INMT: variants seen among roughly 807,000 people sequenced by gnomAD.
INMT encodes the protein indolethylamine N-methyltransferase, also known as amine N-methyltransferase.
In INMT, 11 loss-of-function variants were observed where a neutral mutation model predicts 11.5. That is an observed-to-expected ratio of 0.95 (90% CI 0.60 to 1.58). The LOEUF is 1.58. INMT is among the 40% of genes most tolerant of loss of function. INMT has a pLI of 0.00. For missense variants in INMT, 316 were observed against 336.1 expected, an observed-to-expected ratio of 0.94 and a Z score of 0.47; for synonymous variants, 155 against 142.9, an observed-to-expected ratio of 1.08 and a Z score of -0.60.
rs776872677 is a variant in INMT, at chr7:30,755,429, T to A, written c.370T>A (p.Trp124Arg). 6.3e-7 allele frequency: 1 copy of A among 1,594,138 alleles called. No individual in the cohort carries two copies. Among genetic ancestry groups the A allele is most frequent in the Non-Finnish European group, 8.5e-7 (1 of 1,177,282 alleles). The stretch of plus-strand genomic sequence containing the variant: ...CCCTCTCTCTCTCTGCAGCGGCCGA[T>A]GGGAGGAGAAGGAGGAGAAGCTGCG... ...ACELEGNSGR[W>R]EEKEEKLRAA... The change falls in exon 3 of 3, where the codon TGG (tryptophan) becomes AGG (arginine). Residue 124 changes from tryptophan to arginine, a missense_variant. Coordinates refer to ENST00000013222, the MANE Select transcript of INMT (RefSeq NM_006774.5).
In INMT at chr7:30,757,213, A is replaced by G. The variant is rs1409429781; in HGVS notation, c.*1362A>G. The G allele has an allele frequency of 1.3e-5, 2 of 159,804 alleles. No homozygotes were observed. The highest frequency in any genetic ancestry group is 6.5e-5 in the Admixed American group (1 of 15,360). The allele number at this position is 159,804 out of a possible 1,614,324, so 9.9% of individuals were successfully genotyped here. ...ACAGGCACACACCTCCACTTGTTATATAACCTGTTTGTGTAAGTTCATACT... is the reference window on the plus strand; with the variant it reads ...ACAGGCACACACCTCCACTTGTTATGTAACCTGTTTGTGTAAGTTCATACT... On this transcript the variant is annotated 3_prime_UTR_variant, in exon 3 of 3. Coordinates refer to ENST00000013222, the MANE Select transcript of INMT (RefSeq NM_006774.5).
chr7:30,756,237 ATTTT>A lies in INMT; in HGVS notation c.*399_*402del, dbSNP rs58953785. The A allele has an allele frequency of 2.2e-6, 2 of 910,778 alleles. No homozygotes were observed. The highest frequency in any genetic ancestry group is 1.3e-6 in the Non-Finnish European group (1 of 769,266). The allele number at this position is 910,778 out of a possible 1,614,324, so 56.4% of individuals were successfully genotyped here. A position where few individuals can be genotyped will look rare whatever the true frequency, so the allele number is the denominator to read the frequency against. The stretch of plus-strand genomic sequence containing the variant: ...CCTCTGGACAGTGGTATATTGGGGA[ATTTT>A]TTTTTTTTTTTTGAGACGGAGTCTG... On this transcript the variant is annotated 3_prime_UTR_variant, in exon 3 of 3. Coordinates refer to ENST00000013222, the MANE Select transcript of INMT (RefSeq NM_006774.5).
intron 1 of INMT, among the ~76,000 whole-genome samples, chr7:30,753,458 C>A (rs1786139235): frequency 2.0e-5 from 3 of 152,190 alleles, no homozygotes; most frequent in South Asian, 2.1e-4. Flanking sequence ...AGGTATTGGG[C>A]TAATTGTTTA....
In INMT at chr7:30,755,426, C is replaced by G. The variant is rs6966017; in HGVS notation, c.367C>G (p.Arg123Gly). The part of the protein sequence containing the change: ...FACELEGNSG[R>G]WEEKEEKLRA... The stretch of plus-strand genomic sequence containing the variant: ...ACTCCCTCTCTCTCTCTGCAGCGGC[C>G]GATGGGAGGAGAAGGAGGAGAAGCT... The change falls in exon 3 of 3, where the codon CGA becomes GGA. Residue 123 changes from arginine to glycine, a missense_variant. Transcript: ENST00000013222. 6.3e-7 allele frequency: 1 copy of G among 1,590,880 alleles called. No individual in the cohort carries two copies. The highest frequency in any genetic ancestry group is 2.2e-5 in the East Asian group (1 of 44,544).
intron 1 of INMT, among the ~76,000 whole-genome samples, chr7:30,753,249 A>G (rs565279428): frequency 1.7e-4 from 26 of 152,230 alleles, no homozygotes; most frequent in African/African-American, 6.3e-4. Context: ...TCCCTCCTCC[A>G]AGGAACAAGA....
Position 30,754,645 on chromosome 7 carries a change from AT to A in INMT, c.362+708del, listed in dbSNP as rs1786184440. On this transcript the variant is annotated intron_variant, in intron 2 of 2. Transcript: ENST00000013222. This position sits in a 1 kb window ranked among gnomAD's most constrained non-coding sequence, Gnocchi z 4.9. The stretch of plus-strand genomic sequence containing the variant: ...TCCATCCATATCCATCTATCCATCC[AT>A]CCATCCATCCATCCATCCATCCATC... 7.0e-6 allele frequency among the ~76,000 whole-genome samples: 1 copy of A among 142,350 alleles called. No individual in the cohort carries two copies. The highest frequency in any genetic ancestry group is 2.2e-4 in the East Asian group (1 of 4,614). 93.4% of individuals were successfully genotyped at this position (142,350 alleles called of 152,430 possible). A position where few individuals can be genotyped will look rare whatever the true frequency, so the allele number is the denominator to read the frequency against.
chr7:30,752,334 C>T, intron 1 of INMT, 30 bp downstream of exon 1: 1 of 1,585,376 alleles, frequency 6.3e-7, no homozygotes, highest in Non-Finnish European at 8.7e-7. Context: ...TCCCCTTGAG[C>T]CTCTCTCCAA....
intron 1 of INMT, among the ~76,000 whole-genome samples, chr7:30,753,267 C>T (rs1040742046): frequency 9.2e-5 from 14 of 152,194 alleles, no homozygotes; most frequent in African/African-American, 2.9e-4. Flanking sequence ...AGAAACCCAT[C>T]CAGGAAGGGC....
rs1054177256 is a variant in INMT at position 30,757,359 on chromosome 7, G to A, written c.*1508G>A. On this transcript the variant is annotated 3_prime_UTR_variant, in exon 3 of 3. Transcript: ENST00000013222. ...GTGGGCACACTGGCGCCCAGTAAGA[G>A]AGAGAGAGAGCCAAAGCTGTCCGTT... 8.3e-6 allele frequency: 2 copies of A among 240,610 alleles called. No homozygotes were observed. The highest frequency in any genetic ancestry group is 5.0e-5 in the Admixed American group (1 of 19,922). 14.9% of individuals were successfully genotyped at this position (240,610 alleles called of 1,614,324 possible).
chr7:30,754,763 A>G lies in INMT; in HGVS notation c.363-659A>G, dbSNP rs1235795875. Among the ~76,000 whole-genome samples the G allele has an allele frequency of 1.3e-5, 2 of 152,180 alleles. No homozygotes were observed. The highest frequency in any genetic ancestry group is 2.9e-5 in the Non-Finnish European group (2 of 68,042). Reference sequence around the variant, plus strand: ...TGTCTGTACCTGTGTGACTGACTATATAATGTATAATGACGTGAACTCACC... The same window carrying G: ...TGTCTGTACCTGTGTGACTGACTATGTAATGTATAATGACGTGAACTCACC... On this transcript the variant is annotated intron_variant, in intron 2 of 2. Coordinates refer to ENST00000013222, the MANE Select transcript of INMT (RefSeq NM_006774.5). This position sits in a 1 kb window ranked among gnomAD's most constrained non-coding sequence, Gnocchi z 4.9.
In INMT at chr7:30,755,644, C is replaced by G. The variant is rs551616630; in HGVS notation, c.585C>G (p.Thr195=). 2 of 1,614,230 alleles carry G rather than the reference C, an allele frequency of 1.2e-6. No homozygotes were observed. The highest frequency in any genetic ancestry group is 1.7e-6 in the Non-Finnish European group (2 of 1,180,042). Residue 195 remains threonine (T), a synonymous_variant, in exon 3 of 3, where the codon ACC becomes ACG. Coordinates refer to ENST00000013222, the MANE Select transcript of INMT (RefSeq NM_006774.5). ...SLLKPGGHLV[T]TVTLRLPSYM... ...TCAAGCCGGGTGGCCACCTGGTGAC[C>G]ACTGTCACGCTTCGGCTCCCGTCCT...
At position 30,754,865 on chromosome 7, in the gene INMT, C is replaced by G. The variant is rs1385481734; in HGVS notation, c.363-557C>G. ...ACTCCTTGCCTCTGCCTTTCCCAAC[C>G]TCGGGTAATCACTAATATGGATTTT... On this transcript the variant is annotated intron_variant, in intron 2 of 2. Transcript: ENST00000013222. The surrounding 1 kb of genome is among the most constrained non-coding windows in gnomAD (Gnocchi z 4.9). 1.3e-5 allele frequency among the ~76,000 whole-genome samples: 2 copies of G among 152,218 alleles called. No individual in the cohort carries two copies. Among genetic ancestry groups the G allele is most frequent in the Non-Finnish European group, 2.9e-5 (2 of 68,036 alleles).
chr7:30,755,278 G>C, intron 2 of INMT, 144 bp from the exon 3 acceptor site: 1 of 685,954 alleles, frequency 1.5e-6, no homozygotes, highest in Non-Finnish European at 2.4e-6. Flanking sequence ...GATTGAAGAA[G>C]AGCCTGCTGT....
rs1292962092 is a variant in INMT, at chr7:30,754,694, TCCAC to T, written c.363-716_363-713del. On this transcript the variant is annotated intron_variant, in intron 2 of 2. Transcript: ENST00000013222. This position sits in a 1 kb window ranked among gnomAD's most constrained non-coding sequence, Gnocchi z 4.9. ...ATCCATCCATGTCCATCCACATTCA[TCCAC>T]CCACCCACCCATCCATCCATCTTTC... Among the ~76,000 whole-genome samples, 3 of 151,986 alleles carry T rather than the reference TCCAC, an allele frequency of 2.0e-5. No homozygotes were observed. The highest frequency in any genetic ancestry group is 4.4e-5 in the Non-Finnish European group (3 of 67,976).
chr7:30,753,318 A>C (rs900831627), intron 1 of INMT, among the ~76,000 whole-genome samples: 2 of 152,158 alleles, frequency 1.3e-5, no homozygotes, highest in Admixed American at 6.5e-5. Flanking sequence ...GTCAGCCTGA[A>C]ACTTAAAGGG....
rs58953785 is a variant in INMT, at chr7:30,756,237, A to AT, written c.*402dup. Reference sequence around the variant, plus strand: ...CCTCTGGACAGTGGTATATTGGGGAATTTTTTTTTTTTTTTTGAGACGGAG... The same window carrying AT: ...CCTCTGGACAGTGGTATATTGGGGAATTTTTTTTTTTTTTTTTGAGACGGAG... On this transcript the variant is annotated 3_prime_UTR_variant, in exon 3 of 3. Coordinates refer to ENST00000013222, the MANE Select transcript of INMT (RefSeq NM_006774.5). The AT allele has an allele frequency of 0.33, 296,730 of 895,938 alleles. 12,440 individuals carry two copies. The highest frequency in any genetic ancestry group is 0.48 in the East Asian group (3,850 of 8,024). 55.5% of individuals were successfully genotyped at this position (895,938 alleles called of 1,614,324 possible).
Position 30,756,517 on chromosome 7 carries a change from C to T in INMT, c.*666C>T, listed in dbSNP as rs953174413. ...CCGCCTCCCGGGTTCACGCCATTCT[C>T]CTGCCTCAGCCTCCCGTGTAGCTGG... is the stretch of plus-strand genomic sequence containing the variant. On this transcript the variant is annotated 3_prime_UTR_variant, in exon 3 of 3. Transcript: ENST00000013222. The T allele has an allele frequency of 6.6e-6, 1 of 151,542 alleles. No individual in the cohort carries two copies. The highest frequency in any genetic ancestry group is 1.5e-5 in the Non-Finnish European group (1 of 67,984). The allele number at this position is 151,542 out of a possible 1,614,324, so 9.4% of individuals were successfully genotyped here. A position where few individuals can be genotyped will look rare whatever the true frequency, so the allele number is the denominator to read the frequency against.
At chr7:30,753,008 C>T (rs1329920223) in intron 1 of INMT, among the ~76,000 whole-genome samples, 1 of 152,160 alleles carries the variant, frequency 6.6e-6, no homozygotes, top group Non-Finnish European at 1.5e-5. Flanking sequence ...GGTTAAAAGG[C>T]TGCTGAGCCT....
At position 30,754,770 on chromosome 7, in the gene INMT, A is replaced by G. The variant is rs1786189346; in HGVS notation, c.363-652A>G. Among the ~76,000 whole-genome samples, 1 of 152,204 alleles carries G rather than the reference A, an allele frequency of 6.6e-6. No homozygotes were observed. The highest frequency in any genetic ancestry group is 2.4e-5 in the African/African-American group (1 of 41,448). On this transcript the variant is annotated intron_variant, in intron 2 of 2. Coordinates refer to ENST00000013222, the MANE Select transcript of INMT (RefSeq NM_006774.5). This position sits in a 1 kb window ranked among gnomAD's most constrained non-coding sequence, Gnocchi z 4.9. ...ACCTGTGTGACTGACTATATAATGTATAATGACGTGAACTCACCACCCAAC... is the reference window on the plus strand; with the variant it reads ...ACCTGTGTGACTGACTATATAATGTGTAATGACGTGAACTCACCACCCAAC...
Sources: gnomAD v4.1 joint callset for allele counts (sites outside exome capture counted in the v4.1 genomes callset) on GRCh38, gnomAD v4.1.1 for gene constraint, Gnocchi (gnomAD v3.1) non-coding constraint, MANE v1.5 for transcripts, NCBI Gene and HGNC (gene_info 2026-07-23, HGNC 2026-07-21) for gene names.